The following LRMDA variants were observed in gnomAD, a reference collection of about 807,000 sequenced individuals.
LRMDA encodes leucine rich melanocyte differentiation associated.
LRMDA carries 18 observed loss-of-function variants against 29.8 expected under a neutral mutation model. That is an observed-to-expected ratio of 0.60 (90% CI 0.42 to 0.90). The LOEUF is 0.90. LRMDA is among the 40% of genes least tolerant of loss of function. The pLI, the probability that LRMDA is intolerant of heterozygous loss-of-function variation, is 0.00. For synonymous variants in LRMDA, 125 were observed against 109.4 expected, an observed-to-expected ratio of 1.14 and a Z score of -0.89; for missense variants, 273 against 273.9, an observed-to-expected ratio of 1.00 and a Z score of 0.02.
At chr10:75,692,434 CACAT>C (rs980526550) in intron 2 of LRMDA, among the ~76,000 whole-genome samples, 2 of 150,176 alleles carry the variant, frequency 1.3e-5, no homozygotes, top group Non-Finnish European at 3.0e-5. Context: ...TATATATACA[CACAT>C]ACATATATGT....
intron 2 of LRMDA, among the ~76,000 whole-genome samples, chr10:75,982,187 A>G (rs1022533151): frequency 2.6e-5 from 4 of 152,154 alleles, no homozygotes; most frequent in Non-Finnish European, 4.4e-5. Flanking sequence ...CTCTCTACAA[A>G]CACAGTGCCT....
At chr10:75,454,516 A>G (rs1215169221) in intron 2 of LRMDA, among the ~76,000 whole-genome samples, 1 of 152,134 alleles carries the variant, frequency 6.6e-6, no homozygotes, top group Non-Finnish European at 1.5e-5. Context: ...GGGAGGGTGC[A>G]CTGGAATTGC....
intron 2 of LRMDA, among the ~76,000 whole-genome samples, chr10:75,665,308 G>C (rs1589150931): frequency 6.6e-6 from 1 of 152,188 alleles, no homozygotes; most frequent in Admixed American, 6.5e-5. Flanking sequence ...CCCCCACTGA[G>C]TAACTTGACA....
chr10:76,298,332 G>A (rs4746386), intron 5 of LRMDA, among the ~76,000 whole-genome samples: 22,242 of 152,192 alleles, frequency 0.15, 3,271 homozygotes, highest in African/African-American at 0.38. Context: ...TGAGCTGGAC[G>A]TGGTGAGAGA....
At chr10:76,203,340 C>T (rs1851467939) in intron 5 of LRMDA, among the ~76,000 whole-genome samples, 1 of 152,322 alleles carries the variant, frequency 6.6e-6, no homozygotes, top group South Asian at 2.1e-4. Context: ...GTCTCACTCA[C>T]TGTGTTGCCC....
intron 5 of LRMDA, among the ~76,000 whole-genome samples, chr10:76,128,124 G>C (rs1849918524): frequency 1.3e-5 from 2 of 152,212 alleles, no homozygotes; most frequent in Admixed American, 1.3e-4. Context: ...AACTTGCCTG[G>C]ATTCCATTTT....
At chr10:76,338,543 T>C (rs1195288080) in intron 6 of LRMDA, among the ~76,000 whole-genome samples, 1 of 152,084 alleles carries the variant, frequency 6.6e-6, no homozygotes, top group African/African-American at 2.4e-5. Flanking sequence ...TCTCCATCCT[T>C]AGTTTAGGCA....
chr10:76,262,752 T>A (rs117496610), intron 5 of LRMDA, among the ~76,000 whole-genome samples: 1 of 152,176 alleles, frequency 6.6e-6, no homozygotes, highest in Non-Finnish European at 1.5e-5. Flanking sequence ...CCTGTTTTTT[T>A]CCCCAAAGCA....
intron 5 of LRMDA, among the ~76,000 whole-genome samples, chr10:76,082,586 G>A (rs1849065629): frequency 6.6e-6 from 1 of 151,494 alleles, no homozygotes; most frequent in Admixed American, 6.6e-5. Context: ...AAGGAATAAA[G>A]CTGAATGAGA....
chr10:76,113,844 C>T (rs1441029306), intron 5 of LRMDA, among the ~76,000 whole-genome samples: 1 of 152,180 alleles, frequency 6.6e-6, no homozygotes, highest in African/African-American at 2.4e-5. Flanking sequence ...CTGTCAAGAA[C>T]GGGGTGCAAA....
chr10:75,440,633 G>C, intron 2 of LRMDA, among the ~76,000 whole-genome samples: 1 of 152,122 alleles, frequency 6.6e-6, no homozygotes. Flanking sequence ...TATTTCTCTT[G>C]GGTGTTAGAA....
intron 6 of LRMDA, among the ~76,000 whole-genome samples, chr10:76,482,412 G>A (rs866489049): frequency 6.6e-6 from 1 of 151,872 alleles, no homozygotes; most frequent in African/African-American, 2.4e-5. Flanking sequence ...TAGTTGGCCT[G>A]TTTTTGAACT....
At chr10:75,886,533 C>A (rs571609574) in intron 2 of LRMDA, among the ~76,000 whole-genome samples, 1 of 152,136 alleles carries the variant, frequency 6.6e-6, no homozygotes, top group Non-Finnish European at 1.5e-5. Flanking sequence ...TCTGACTCAT[C>A]ATAATCACAT....
At chr10:75,968,112 C>T (rs1846899062) in intron 2 of LRMDA, among the ~76,000 whole-genome samples, 1 of 151,860 alleles carries the variant, frequency 6.6e-6, no homozygotes, top group Admixed American at 6.6e-5. Context: ...AGTGGGAGTG[C>T]TCGCAGCATC....
chr10:75,529,193 C>T (rs183656041), intron 2 of LRMDA, among the ~76,000 whole-genome samples: 32 of 152,276 alleles, frequency 2.1e-4, no homozygotes, highest in Admixed American at 5.2e-4. Context: ...CCTCACATGG[C>T]TGTGAAATTT....
chr10:75,555,174 A>G (rs1391064302), intron 2 of LRMDA, among the ~76,000 whole-genome samples: 1 of 152,118 alleles, frequency 6.6e-6, no homozygotes, highest in Admixed American at 6.6e-5. Context: ...TGGAGCAACC[A>G]CACTTTTCTT....
At chr10:76,116,141 C>T (rs954016617) in intron 5 of LRMDA, among the ~76,000 whole-genome samples, 15 of 152,118 alleles carry the variant, frequency 9.9e-5, no homozygotes, top group Non-Finnish European at 1.6e-4. Context: ...AGTGTTTGTG[C>T]AGGTACACTA....
intron 6 of LRMDA, among the ~76,000 whole-genome samples, chr10:76,497,586 CT>C (rs1315103805): frequency 1.3e-5 from 1 of 75,762 alleles, no homozygotes; most frequent in African/African-American, 3.2e-5. Context: ...TCTCTTCCCC[CT>C]ATTTCAGTTC....
chr10:75,755,450 A>G (rs1490160669), intron 2 of LRMDA, among the ~76,000 whole-genome samples: 1 of 152,250 alleles, frequency 6.6e-6, no homozygotes. Flanking sequence ...AGTGAACAAG[A>G]AAGACATTAC....
Sources: gnomAD v4.1 joint callset for allele counts (sites outside exome capture counted in the v4.1 genomes callset) on GRCh38, gnomAD v4.1.1 for gene constraint, MANE v1.5 for transcripts, NCBI Gene and HGNC (gene_info 2026-07-23, HGNC 2026-07-21) for gene names.